The following ANXA13 variants were observed in gnomAD, a reference collection of about 807,000 sequenced individuals.
ANXA13 encodes the protein annexin A13, also known as annexin XIII.
Under a neutral mutation model 46.6 loss-of-function variants are expected in ANXA13, and 36 were observed. That is an observed-to-expected ratio of 0.77 (90% CI 0.59 to 1.02). ANXA13 has a LOEUF of 1.02. Among genes scored for constraint, ANXA13 ranks in the 50% least tolerant of loss-of-function variants. The pLI is 0.00. For missense variants in ANXA13, 417 were observed against 396.5 expected (o/e 1.05, Z -0.44); for synonymous variants, 163 against 152.9 (o/e 1.07, Z -0.49).
intron 1 of ANXA13, among the ~76,000 whole-genome samples, chr8:123,734,531 T>C (rs1814211049): frequency 6.6e-6 from 1 of 152,050 alleles, no homozygotes; most frequent in Non-Finnish European, 1.5e-5. Flanking sequence ...TTCAAAAAAA[T>C]CATTAATAGT....
chr8:123,685,756 G>A (rs1813130517), intron 9 of ANXA13, among the ~76,000 whole-genome samples: 1 of 152,194 alleles, frequency 6.6e-6, no homozygotes, highest in South Asian at 2.1e-4. Flanking sequence ...CACAGTTTCA[G>A]TGGAAAAGAA....
chr8:123,727,102 G>T (rs866041276), intron 1 of ANXA13, among the ~76,000 whole-genome samples: 1 of 152,176 alleles, frequency 6.6e-6, no homozygotes, highest in African/African-American at 2.4e-5. Flanking sequence ...AGGGTTCAGT[G>T]TATACTGCTC....
At chr8:123,695,015 A>G (rs1246336100) in intron 6 of ANXA13, among the ~76,000 whole-genome samples, 1 of 152,036 alleles carries the variant, frequency 6.6e-6, no homozygotes, top group Non-Finnish European at 1.5e-5. Flanking sequence ...CAGCAGGGCC[A>G]ATTCTGAAAG....
chr8:123,727,705 GC>G (rs1814028969), intron 1 of ANXA13: 1 of 136,758 alleles, frequency 7.3e-6, no homozygotes, highest in Non-Finnish European at 1.5e-5. Flanking sequence ...GGACGAATGT[GC>G]CAAGGGTCCA....
intron 9 of ANXA13, among the ~76,000 whole-genome samples, chr8:123,685,850 C>T (rs572553881): frequency 3.9e-4 from 60 of 152,276 alleles, no homozygotes; most frequent in Non-Finnish European, 1.5e-5. Context: ...TCAGGGGAAA[C>T]TTGCATGCTA....
At chr8:123,685,771 G>A (rs1230337461) in intron 9 of ANXA13, among the ~76,000 whole-genome samples, 3 of 152,104 alleles carry the variant, frequency 2.0e-5, no homozygotes, top group African/African-American at 4.8e-5. Flanking sequence ...AAAGAAAATC[G>A]CACCGGAAAA....
At chr8:123,711,273 C>T (rs186415603) in intron 2 of ANXA13, among the ~76,000 whole-genome samples, 1 of 152,326 alleles carries the variant, frequency 6.6e-6, no homozygotes, top group Admixed American at 6.5e-5. Context: ...CCAACAACAC[C>T]TATGAAGGCA....
At chr8:123,700,958 G>A (rs988967767) in intron 3 of ANXA13, among the ~76,000 whole-genome samples, 1 of 152,062 alleles carries the variant, frequency 6.6e-6, no homozygotes, top group African/African-American at 2.4e-5. Flanking sequence ...GAGTAGCAGG[G>A]ACTACAGGCA....
At chr8:123,709,758 G>A (rs1813619574) in intron 2 of ANXA13, among the ~76,000 whole-genome samples, 1 of 152,136 alleles carries the variant, frequency 6.6e-6, no homozygotes, top group South Asian at 2.1e-4. Flanking sequence ...TTTCATATAT[G>A]TATGTGTGTA....
chr8:123,699,831 C>T (rs1813409524), intron 3 of ANXA13, among the ~76,000 whole-genome samples: 1 of 152,314 alleles, frequency 6.6e-6, no homozygotes, highest in Admixed American at 6.5e-5. Flanking sequence ...TTAATCTCAC[C>T]AACTGTCAGT....
chr8:123,729,561 A>C (rs895415782), intron 1 of ANXA13, among the ~76,000 whole-genome samples: 3 of 152,128 alleles, frequency 2.0e-5, no homozygotes, highest in Admixed American at 1.3e-4. Flanking sequence ...TTTTCCCTCT[A>C]TCTGCTTCCT....
At chr8:123,704,876 A>G (rs1317155054) in intron 2 of ANXA13, among the ~76,000 whole-genome samples, 1 of 152,086 alleles carries the variant, frequency 6.6e-6, no homozygotes, top group Non-Finnish European at 1.5e-5. Flanking sequence ...CTCCTTTCCC[A>G]GGCGACTTTC....
At chr8:123,707,678 T>C (rs2163535) in intron 2 of ANXA13, among the ~76,000 whole-genome samples, 46,126 of 151,704 alleles carry the variant, frequency 0.3, 7,689 homozygotes, top group South Asian at 0.47. Context: ...GGGAACATCA[T>C]ACACCAGGGC....
intron 3 of ANXA13, among the ~76,000 whole-genome samples, chr8:123,699,205 A>T (rs927372979): frequency 6.6e-6 from 1 of 152,172 alleles, no homozygotes; most frequent in African/African-American, 2.4e-5. Context: ...TGTTTGAGAC[A>T]GGGTGACTTT....
rs112420524 is a variant in ANXA13 at position 123,696,412 on chromosome 8, G to T, written c.358-691C>A. Reference sequence around the variant, plus strand: ...CTTCGTTCAGTAACAGACTGGCTGCGTGCAGGAGTGCTAGTTTCTCTTGAG... The same window carrying T: ...CTTCGTTCAGTAACAGACTGGCTGCTTGCAGGAGTGCTAGTTTCTCTTGAG... On this transcript the variant is annotated intron_variant, in intron 4 of 10. Coordinates refer to ENST00000419625, the MANE Select transcript of ANXA13 (RefSeq NM_004306.4). Among the ~76,000 whole-genome samples the T allele has an allele frequency of 9.9e-3, 1,504 of 152,292 alleles. 16 individuals are homozygous for T. Among genetic ancestry groups the T allele is most frequent in the Non-Finnish European group, 0.015 (1,014 of 68,016 alleles).
chr8:123,689,891 T>C (rs1327775966), intron 8 of ANXA13, among the ~76,000 whole-genome samples: 1 of 152,260 alleles, frequency 6.6e-6, no homozygotes, highest in Non-Finnish European at 1.5e-5. Context: ...GTGGAGTTTA[T>C]GTGGTTTATT....
chr8:123,689,012 G>T lies in ANXA13; in HGVS notation c.643-66C>A, dbSNP rs1813187934. 12 of 1,507,978 alleles carry T rather than the reference G, an allele frequency of 8.0e-6. No individual in the cohort carries two copies. The South Asian group carries it at 1.4e-4, about 17-fold the overall frequency. The allele number at this position is 1,507,978 out of a possible 1,614,324, so 93.4% of individuals were successfully genotyped here. ...CTTTGACCTTAGTACTCTTGGGGTT[G>T]TTCCTCTACAAAAAGCACTCAAGTT... On this transcript the variant is annotated intron_variant, in intron 8 of 10. Coordinates refer to ENST00000419625, the MANE Select transcript of ANXA13 (RefSeq NM_004306.4).
intron 1 of ANXA13, among the ~76,000 whole-genome samples, chr8:123,720,676 G>GTGTT (rs1157876251): frequency 2.0e-5 from 3 of 151,508 alleles, no homozygotes; most frequent in Non-Finnish European, 4.4e-5. Flanking sequence ...GTGTGTGTGT[G>GTGTT]TGTGTGTGTG....
chr8:123,727,190 A>C (rs972155575), intron 1 of ANXA13, among the ~76,000 whole-genome samples: 3 of 152,220 alleles, frequency 2.0e-5, no homozygotes, highest in African/African-American at 7.2e-5. Context: ...CTGTTCCCCC[A>C]AAACCTACAG....
Sources: gnomAD v4.1 joint callset for allele counts (sites outside exome capture counted in the v4.1 genomes callset) on GRCh38, gnomAD v4.1.1 for gene constraint, MANE v1.5 for transcripts, NCBI Gene and HGNC (gene_info 2026-07-23, HGNC 2026-07-21) for gene names.